The following MECOM variants were observed in gnomAD, a reference collection of about 807,000 sequenced individuals.
MECOM encodes histone-lysine N-methyltransferase MECOM.
In MECOM, 13 loss-of-function variants were observed where a neutral mutation model predicts 116.3. That is an observed-to-expected ratio of 0.11 (90% CI 0.07 to 0.18). The LOEUF is 0.18. Ranked by LOEUF, MECOM falls within the 10% of genes least tolerant of loss-of-function variation. The pLI is 1.00. For missense variants in MECOM, 1,299 were observed against 1,509.0 expected, an observed-to-expected ratio of 0.86 and a Z score of 2.31; for synonymous variants, 528 against 535.2, an observed-to-expected ratio of 0.99 and a Z score of 0.19.
chr3:169,602,256 TAGAG>T (rs1022269463), intron 1 of MECOM, among the ~76,000 whole-genome samples: 2 of 152,222 alleles, frequency 1.3e-5, no homozygotes, highest in African/African-American at 4.8e-5. Flanking sequence ...ATTATGAACT[TAGAG>T]AGATGTTCTC....
At chr3:169,212,553 G>A (rs2149477532) in intron 2 of MECOM, among the ~76,000 whole-genome samples, 1 of 146,364 alleles carries the variant, frequency 6.8e-6, no homozygotes, top group Non-Finnish European at 1.5e-5. Context: ...AGGCAACACA[G>A]GCACATCTGT....
At chr3:169,159,173 T>C (rs1742450757) in intron 2 of MECOM, among the ~76,000 whole-genome samples, 1 of 152,206 alleles carries the variant, frequency 6.6e-6, no homozygotes, top group Non-Finnish European at 1.5e-5. Context: ...TGCTAGACCA[T>C]AGCCTTCTGA....
At chr3:169,438,776 G>A (rs907296281) in intron 1 of MECOM, among the ~76,000 whole-genome samples, 9 of 152,186 alleles carry the variant, frequency 5.9e-5, no homozygotes, top group Admixed American at 3.9e-4. Context: ...TGCAGTGTTC[G>A]ATCCAATCAT....
In MECOM at chr3:169,112,737, G is replaced by A. The variant is rs768835864; in HGVS notation, c.2577+50C>T. 2.2e-6 allele frequency: 3 copies of A among 1,392,308 alleles called. No homozygotes were observed. The South Asian group carries it at 3.6e-5, about 17-fold the overall frequency. 86.2% of individuals were successfully genotyped at this position (1,392,308 alleles called of 1,614,324 possible). A position where few individuals can be genotyped will look rare whatever the true frequency, so the allele number is the denominator to read the frequency against. ...TCATTTCATTGCACCTGCTTTTCAGGATCAACAAGTTAGTTTACAAGCTGG... is the reference window on the plus strand; with the variant it reads ...TCATTTCATTGCACCTGCTTTTCAGAATCAACAAGTTAGTTTACAAGCTGG... On this transcript the variant is annotated intron_variant, in intron 9 of 16. Coordinates refer to ENST00000651503, the MANE Select transcript of MECOM (RefSeq NM_004991.4).
chr3:169,476,881 C>G (rs1320038661), intron 1 of MECOM: 1 of 149,822 alleles, frequency 6.7e-6, no homozygotes, highest in Non-Finnish European at 1.5e-5. Flanking sequence ...CCCCTAACCT[C>G]ACAGGCAACA....
intron 1 of MECOM, among the ~76,000 whole-genome samples, chr3:169,446,340 C>T (rs1044435754): frequency 5.3e-5 from 8 of 152,148 alleles, no homozygotes; most frequent in South Asian, 2.1e-4. Context: ...CTATGTCTCA[C>T]GAGATCTGAT....
chr3:169,477,105 G>GTGTATATA (rs1216311292), intron 1 of MECOM: 6 of 59,538 alleles, frequency 1.0e-4, no homozygotes, highest in Admixed American at 1.9e-4. Context: ...GTGTGTGTGT[G>GTGTATATA]TATATATATA....
intron 2 of MECOM, among the ~76,000 whole-genome samples, chr3:169,169,036 T>A (rs1294149717): frequency 1.3e-5 from 2 of 152,114 alleles, no homozygotes; most frequent in African/African-American, 4.8e-5. Context: ...AAATTATATT[T>A]GCTCAGGTTT....
intron 2 of MECOM, among the ~76,000 whole-genome samples, chr3:169,256,709 T>C (rs1030558993): frequency 6.6e-6 from 1 of 152,160 alleles, no homozygotes; most frequent in African/African-American, 2.4e-5. Context: ...ATACACTCAG[T>C]CATCAGTAGA....
chr3:169,211,675 G>T (rs1387830530), intron 2 of MECOM, among the ~76,000 whole-genome samples: 1 of 152,078 alleles, frequency 6.6e-6, no homozygotes, highest in Non-Finnish European at 1.5e-5. Context: ...AGGGTTTCAT[G>T]TTAGGCTGTT....
At chr3:169,158,885 C>CA (rs1297517203) in intron 2 of MECOM, among the ~76,000 whole-genome samples, 2 of 152,144 alleles carry the variant, frequency 1.3e-5, no homozygotes, top group Non-Finnish European at 2.9e-5. Flanking sequence ...TTCTCGCCCC[C>CA]AAAATTTTTT....
chr3:169,588,535 T>A (rs140609596), intron 1 of MECOM, among the ~76,000 whole-genome samples: 1 of 152,300 alleles, frequency 6.6e-6, no homozygotes, highest in Non-Finnish European at 1.5e-5. Context: ...GGAAATAAAG[T>A]ACATTCCTCA....
At chr3:169,301,096 T>C (rs908697397) in intron 2 of MECOM, among the ~76,000 whole-genome samples, 1 of 152,238 alleles carries the variant, frequency 6.6e-6, no homozygotes, top group Non-Finnish European at 1.5e-5. Flanking sequence ...AGTTGGCTAA[T>C]GTGGAATTAA....
At chr3:169,283,954 A>G (rs1361322353) in intron 2 of MECOM, among the ~76,000 whole-genome samples, 1 of 152,200 alleles carries the variant, frequency 6.6e-6, no homozygotes, top group Non-Finnish European at 1.5e-5. Flanking sequence ...GTTACATCAA[A>G]GTTTTGGTGT....
At chr3:169,319,284 T>C (rs934444001) in intron 2 of MECOM, among the ~76,000 whole-genome samples, 4 of 152,090 alleles carry the variant, frequency 2.6e-5, no homozygotes, top group Non-Finnish European at 5.9e-5. Context: ...GGGACATGGA[T>C]GAAACTGGAA....
At chr3:169,172,057 G>T (rs1301416207) in intron 2 of MECOM, among the ~76,000 whole-genome samples, 1 of 150,326 alleles carries the variant, frequency 6.7e-6, no homozygotes, top group African/African-American at 2.4e-5. Context: ...AAGAACTGAG[G>T]AATAAAAAGA....
At chr3:169,341,677 T>C (rs1157946769) in intron 2 of MECOM, among the ~76,000 whole-genome samples, 7 of 149,402 alleles carry the variant, frequency 4.7e-5, no homozygotes, top group Admixed American at 3.4e-4. Flanking sequence ...GAGGCGGAGG[T>C]TGCAGTGAGC....
intron 2 of MECOM, among the ~76,000 whole-genome samples, chr3:169,280,109 A>C (rs1410675005): frequency 5.9e-5 from 9 of 152,198 alleles, no homozygotes; most frequent in Non-Finnish European, 1.2e-4. Flanking sequence ...GAATGAAATA[A>C]ATTGGCAAGA....
intron 1 of MECOM, among the ~76,000 whole-genome samples, chr3:169,393,438 C>T (rs561694143): frequency 6.6e-6 from 1 of 152,094 alleles, no homozygotes; most frequent in African/African-American, 2.4e-5. Context: ...GCCAAAGTAG[C>T]AAAATTCATT....
Sources: allele counts gnomAD v4.1 joint callset (sites outside exome capture counted in the v4.1 genomes callset), GRCh38; gene constraint gnomAD v4.1.1; transcripts MANE v1.5; gene names NCBI Gene and HGNC (gene_info 2026-07-23, HGNC 2026-07-21).